DCBLD2: variants seen among roughly 807,000 people sequenced by gnomAD.
The protein encoded by DCBLD2 is discoidin, CUB and LCCL domain-containing protein 2.
DCBLD2 carries 54 observed loss-of-function variants against 86.8 expected under a neutral mutation model. That is an observed-to-expected ratio of 0.62 (90% confidence interval 0.50 to 0.78). DCBLD2 has a LOEUF of 0.78. DCBLD2 is among the 30% of genes least tolerant of loss of function. The pLI is 0.00. For synonymous variants in DCBLD2, 354 were observed against 341.3 expected, an observed-to-expected ratio of 1.04 and a Z score of -0.41; for missense variants, 908 against 954.2, an observed-to-expected ratio of 0.95 and a Z score of 0.64.
chr3:98,818,768 C>T (rs752158000), intron 8 of DCBLD2, among the ~76,000 whole-genome samples: 3 of 152,210 alleles, frequency 2.0e-5, no homozygotes, highest in Non-Finnish European at 2.9e-5. Flanking sequence ...TGCCCTTGAA[C>T]ATCAGACTCC....
chr3:98,845,823 C>T (rs1942710816), intron 3 of DCBLD2, among the ~76,000 whole-genome samples: 1 of 152,168 alleles, frequency 6.6e-6, no homozygotes, highest in South Asian at 2.1e-4. Context: ...ACCTGCTGTT[C>T]CCTTCTGTAG....
chr3:98,800,776 G>GT, intron 14 of DCBLD2, 60 bp from the exon 15 acceptor site: 2 of 1,602,216 alleles, frequency 1.2e-6, no homozygotes, highest in Non-Finnish European at 1.7e-6. Context: ...TCAAACAGTA[G>GT]TATCAAGAGA....
intron 2 of DCBLD2, among the ~76,000 whole-genome samples, chr3:98,855,061 C>A (rs547510917): frequency 2.0e-4 from 30 of 152,104 alleles, no homozygotes; most frequent in African/African-American, 7.2e-4. Context: ...AAAATGGCAG[C>A]CCATAGCAAT....
intron 2 of DCBLD2, 35 bp downstream of exon 2, chr3:98,881,505 G>A: frequency 6.5e-7 from 1 of 1,534,094 alleles, no homozygotes; most frequent in South Asian, 1.1e-5. Context: ...AGACAATGAT[G>A]TATTTACATG....
intron 2 of DCBLD2, among the ~76,000 whole-genome samples, chr3:98,870,810 A>AAAGAAAGAAAGAAAGAAAGGAAGG (rs760385201): frequency 4.6e-5 from 6 of 131,576 alleles, no homozygotes; most frequent in South Asian, 2.4e-4. Context: ...AGAAAGAAAG[A>AAAGAAAGAAAGAAAGAAAGGAAGG]AAGGTAGGCA....
chr3:98,827,636 A>T (rs1942245899), intron 3 of DCBLD2, among the ~76,000 whole-genome samples: 1 of 152,254 alleles, frequency 6.6e-6, no homozygotes, highest in Admixed American at 6.5e-5. Context: ...AAGGAGAGCC[A>T]AGAAGACTGA....
chr3:98,814,576 A>G (rs1941989626), intron 9 of DCBLD2: 1 of 152,222 alleles, frequency 6.6e-6, no homozygotes, highest in Admixed American at 6.5e-5. Flanking sequence ...GCATAATGTT[A>G]GAAAGTGATA....
chr3:98,811,900 G>A (rs375409218), intron 10 of DCBLD2, among the ~76,000 whole-genome samples: 14 of 152,290 alleles, frequency 9.2e-5, no homozygotes, highest in Middle Eastern at 3.4e-3. Flanking sequence ...GAGGGCCAAC[G>A]ATGTGTCAGG....
At chr3:98,847,933 T>C (rs1020355386) in intron 3 of DCBLD2, among the ~76,000 whole-genome samples, 1 of 152,206 alleles carries the variant, frequency 6.6e-6, no homozygotes, top group East Asian at 1.9e-4. Flanking sequence ...CATTTTATCT[T>C]AGAGATTCAG....
intron 6 of DCBLD2, among the ~76,000 whole-genome samples, chr3:98,821,497 TA>T (rs1181856248): frequency 1.3e-5 from 2 of 152,220 alleles, no homozygotes; most frequent in Non-Finnish European, 2.9e-5. Flanking sequence ...GCTTATGATG[TA>T]ACACTTTATG....
At chr3:98,885,403 T>C (rs1316088929) in intron 1 of DCBLD2, among the ~76,000 whole-genome samples, 1 of 141,934 alleles carries the variant, frequency 7.0e-6, no homozygotes, top group Non-Finnish European at 1.6e-5. Flanking sequence ...AAGGGAAGGC[T>C]AGACATATAC....
rs777856243 is a variant in DCBLD2 at position 98,823,586 on chromosome 3, T to C, written c.624-845A>G. On this transcript the variant is annotated intron_variant, in intron 4 of 15. Coordinates refer to ENST00000326840, the MANE Select transcript of DCBLD2 (RefSeq NM_080927.4). ...TGTCCTCACTGAGTTTATATTCCAGTGGTAGAAGACATTAAACCAATACTT... is the reference window on the plus strand; with the variant it reads ...TGTCCTCACTGAGTTTATATTCCAGCGGTAGAAGACATTAAACCAATACTT... Among the ~76,000 whole-genome samples the C allele has an allele frequency of 4.1e-4, 62 of 152,360 alleles. 1 individual carries two copies. Among genetic ancestry groups the C allele is most frequent in the South Asian group, 2.1e-3 (10 of 4,826 alleles).
intron 7 of DCBLD2, 97 bp downstream of exon 7, chr3:98,820,151 G>A (rs548325019): frequency 3.9e-5 from 27 of 697,204 alleles, no homozygotes; most frequent in Admixed American, 2.1e-4. Context: ...AGACAACTAC[G>A]TGAGAAAGTA....
intron 2 of DCBLD2, among the ~76,000 whole-genome samples, chr3:98,865,923 T>C (rs913778905): frequency 2.8e-5 from 4 of 143,878 alleles, no homozygotes; most frequent in East Asian, 4.4e-4. Context: ...ACTGTTCTCA[T>C]TGTTCAATTC....
rs1941953787 is a variant in DCBLD2 at position 98,812,370 on chromosome 3, A to G, written c.1325T>C (p.Met442Thr). Residue 442 changes from methionine (M) to threonine (T), a missense_variant, in exon 10 of 16, where the codon ATG becomes ACG. By Grantham distance (81) the Met-to-Thr change is moderately conservative. Around this residue, in one of 3 missense-constraint regions of DCBLD2, gnomAD observed 606 missense variants for 678.5 expected, o/e 0.89. Coordinates refer to ENST00000326840, the MANE Select transcript of DCBLD2 (RefSeq NM_080927.4). ...CTGACATCCGAGCAGCTCCATTTTC[A>G]TGGCAATTTTCTGCTGCCATTGGGT... is the stretch of plus-strand genomic sequence containing the variant. ...NPTQWQQKIA[M>T]KMELLGCQFI... 5.6e-6 allele frequency: 9 copies of G among 1,613,528 alleles called. No homozygotes were observed. The highest frequency in any genetic ancestry group is 7.6e-6 in the Non-Finnish European group (9 of 1,179,638).
At position 98,796,065 on chromosome 3, in the gene DCBLD2, T is replaced by A. The variant is rs1250471949; in HGVS notation, c.*3307A>T. ...ATACATTAAAAACAAATGAACACAT[T>A]AAAATTTCACTATTTTACAATCTAA... On this transcript the variant is annotated 3_prime_UTR_variant, in exon 16 of 16. Coordinates refer to ENST00000326840, the MANE Select transcript of DCBLD2 (RefSeq NM_080927.4). 1 of 152,624 alleles carries A rather than the reference T, an allele frequency of 6.6e-6. No homozygotes were observed. Among genetic ancestry groups the A allele is most frequent in the Non-Finnish European group, 1.5e-5 (1 of 68,016 alleles). The allele number at this position is 152,624 out of a possible 1,614,324, so 9.5% of individuals were successfully genotyped here.
At chr3:98,840,074 T>G (rs1255836534) in intron 3 of DCBLD2, among the ~76,000 whole-genome samples, 1 of 152,158 alleles carries the variant, frequency 6.6e-6, no homozygotes, top group Non-Finnish European at 1.5e-5. Context: ...TAGAGCATCT[T>G]GGAGATAAGG....
At chr3:98,865,516 G>T (rs566298053) in intron 2 of DCBLD2, among the ~76,000 whole-genome samples, 132 of 152,178 alleles carry the variant, frequency 8.7e-4, no homozygotes, top group African/African-American at 2.8e-3. Flanking sequence ...CAGTTACATA[G>T]GAGTGATAAG....
chr3:98,825,774 A>T (rs191372575), intron 3 of DCBLD2, among the ~76,000 whole-genome samples: 3 of 151,418 alleles, frequency 2.0e-5, no homozygotes, highest in Non-Finnish European at 4.4e-5. Context: ...TGGTTATTAT[A>T]TAACTAAAAA....
Sources: gnomAD v4.1 joint callset for allele counts (sites outside exome capture counted in the v4.1 genomes callset) on GRCh38, gnomAD v4.1.1 for gene constraint, gnomAD v4.1.1 regional missense constraint, MANE v1.5 for transcripts, NCBI Gene and HGNC (gene_info 2026-07-23, HGNC 2026-07-21) for gene names.